Variants in SIGLEC6 observed in about 807,000 individuals in gnomAD.
The protein encoded by SIGLEC6 is sialic acid-binding Ig-like lectin 6.
SIGLEC6 carries 31 observed loss-of-function variants against 41.4 expected under a neutral mutation model. The observed-to-expected ratio is 0.75, with a 90% confidence interval of 0.56 to 1.01. SIGLEC6 has a LOEUF of 1.01. SIGLEC6 is among the 50% of genes least tolerant of loss of function. SIGLEC6 has a pLI of 0.00. For synonymous variants in SIGLEC6, 217 were observed against 231.0 expected (o/e 0.94, Z 0.55); for missense variants, 555 against 558.6 (o/e 0.99, Z 0.06).
intron 7 of SIGLEC6, among the ~76,000 whole-genome samples, chr19:51,527,070 T>C (rs2864103): frequency 0.66 from 99,666 of 152,014 alleles, 32,927 homozygotes; most frequent in South Asian, 0.75. Context: ...TACAACTCAT[T>C]GGCATCCCTG....
chr19:51,521,369 T>A (rs1044452716), intron 7 of SIGLEC6, among the ~76,000 whole-genome samples: 5 of 152,046 alleles, frequency 3.3e-5, no homozygotes, highest in African/African-American at 1.2e-4. Flanking sequence ...GGAGTGTGTG[T>A]GTGTGTATAT....
At chr19:51,520,416 G>T (rs958974394) in intron 7 of SIGLEC6, among the ~76,000 whole-genome samples, 161 bp from the exon 8 acceptor site, 1 of 151,850 alleles carries the variant, frequency 6.6e-6, no homozygotes, top group Admixed American at 6.6e-5. Context: ...TTGAGATGGG[G>T]TCTCGCTCTG....
rs1233662754 is a variant in SIGLEC6 at position 51,525,929 on chromosome 19, G to A, written c.1188+1818C>T. On this transcript the variant is annotated intron_variant, in intron 7 of 7. Transcript: ENST00000425629. Reference sequence around the variant, plus strand: ...CCTCAGGCTAGGGAAGGAACAAAGAGCCTGATTTATTTGGTGGAACCTCCA... The same window carrying A: ...CCTCAGGCTAGGGAAGGAACAAAGAACCTGATTTATTTGGTGGAACCTCCA... Among the ~76,000 whole-genome samples, 3 of 150,330 alleles carry A rather than the reference G, an allele frequency of 2.0e-5. No homozygotes were observed. In the South Asian group the frequency reaches 6.4e-4, roughly 32 times the overall value.
At position 51,531,503 on chromosome 19, in the gene SIGLEC6, C is replaced by T. The variant is rs769993943; in HGVS notation, c.84G>A (p.Glu28=). The T allele has an allele frequency of 1.9e-6, 3 of 1,613,738 alleles. No individual in the cohort carries two copies. The highest frequency in any genetic ancestry group is 3.3e-5 in the Admixed American group (2 of 59,950). The stretch of plus-strand genomic sequence containing the variant: ...CTGGCCCCTCCAGCTGGAATCTCCG[C>T]TCCTGAGCCAGGGCCCCTATGGAGA... ...PLLWAGALAQ[E]RRFQLEGPES... Residue 28 remains glutamate (E), a synonymous_variant, in exon 2 of 8, where the codon GAG becomes GAA. Coordinates refer to ENST00000425629, the MANE Select transcript of SIGLEC6 (RefSeq NM_001245.7).
Position 51,518,996 on chromosome 19 carries a change from G to C in SIGLEC6, c.*1086C>G, listed in dbSNP as rs538346455. ...AAGAAATTGCCAGCAGAAACCGTCT[G>C]TTAAAACAGCTAATCAAAGCCGGGT... On this transcript the variant is annotated 3_prime_UTR_variant, in exon 8 of 8. Transcript: ENST00000425629. 9.2e-4 allele frequency among the ~76,000 whole-genome samples: 140 copies of C among 152,258 alleles called. No individual in the cohort carries two copies. Among genetic ancestry groups the C allele is most frequent in the African/African-American group, 3.2e-3 (132 of 41,560 alleles).
Position 51,518,213 on chromosome 19 carries a change from G to C in SIGLEC6, c.*1869C>G, listed in dbSNP as rs779348728. Among the ~76,000 whole-genome samples, 1 of 152,086 alleles carries C rather than the reference G, an allele frequency of 6.6e-6. No homozygotes were observed. Among genetic ancestry groups the C allele is most frequent in the Non-Finnish European group, 1.5e-5 (1 of 68,020 alleles). ...CTTAAAATGTGTTTTCATTGAGTAG[G>C]CTTTCTAAAACAACATTTATTTCTC... On this transcript the variant is annotated 3_prime_UTR_variant, in exon 8 of 8. Transcript: ENST00000425629.
At chr19:51,531,057 A>G in intron 2 of SIGLEC6, 98 bp from the exon 3 acceptor site, 1 of 1,569,888 alleles carries the variant, frequency 6.4e-7, no homozygotes, top group Non-Finnish European at 8.6e-7. Context: ...TGAGCCCAAC[A>G]TGCTTAATTG....
chr19:51,525,363 GAGA>G (rs1410320997), intron 7 of SIGLEC6, among the ~76,000 whole-genome samples: 4 of 152,140 alleles, frequency 2.6e-5, no homozygotes, highest in Non-Finnish European at 5.9e-5. Flanking sequence ...CCCGAGGCTG[GAGA>G]AGGAGAAAAG....
At chr19:51,529,585 C>A in intron 5 of SIGLEC6, 139 bp downstream of exon 5, 1 of 1,092,554 alleles carries the variant, frequency 9.2e-7, no homozygotes, top group African/African-American at 1.6e-5. Flanking sequence ...GGACTCTAAG[C>A]CTCCCAGAGG....
Position 51,519,947 on chromosome 19 carries a change from T to C in SIGLEC6, c.*135A>G, listed in dbSNP as rs1415257501. The stretch of plus-strand genomic sequence containing the variant: ...ACACCTTGTTCTCAGACCTCTAACA[T>C]CTGAAACTATACGAAAATAAAGTTC... On this transcript the variant is annotated 3_prime_UTR_variant, in exon 8 of 8. Coordinates refer to ENST00000425629, the MANE Select transcript of SIGLEC6 (RefSeq NM_001245.7). 1 of 772,624 alleles carries C rather than the reference T, an allele frequency of 1.3e-6. No individual in the cohort carries two copies. Among genetic ancestry groups the C allele is most frequent in the Admixed American group, 3.0e-5 (1 of 33,308 alleles). The allele number at this position is 772,624 out of a possible 1,614,324, so 47.9% of individuals were successfully genotyped here.
intron 7 of SIGLEC6, 74 bp from the exon 8 acceptor site, chr19:51,520,329 G>A (rs553171106): frequency 6.6e-6 from 6 of 909,550 alleles, no homozygotes; most frequent in African/African-American, 1.7e-5. Context: ...ATCAGAAAGG[G>A]AGTAGAACTG....
chr19:51,527,681 G>A, intron 7 of SIGLEC6, 66 bp downstream of exon 7: 1 of 1,390,766 alleles, frequency 7.2e-7, no homozygotes, highest in Non-Finnish European at 1.0e-6. Flanking sequence ...ATGCCTCAGG[G>A]TCCTTACTTA....
At chr19:51,521,519 A>G (rs930989104) in intron 7 of SIGLEC6, among the ~76,000 whole-genome samples, 10 of 152,198 alleles carry the variant, frequency 6.6e-5, no homozygotes, top group Admixed American at 2.0e-4. Context: ...AATCAGTGGC[A>G]AAGTCCGAGA....
At chr19:51,527,871 C>A (rs1450392072) in intron 6 of SIGLEC6, 43 bp from the exon 7 acceptor site, 3 of 1,581,392 alleles carry the variant, frequency 1.9e-6, no homozygotes, top group African/African-American at 2.7e-5. Context: ...TTATTTGGAG[C>A]CTCTTTCCCC....
intron 6 of SIGLEC6, 47 bp from the exon 7 acceptor site, chr19:51,527,875 T>C: frequency 6.3e-7 from 1 of 1,581,668 alleles, no homozygotes; most frequent in South Asian, 1.1e-5. Context: ...TTGGAGCCTC[T>C]TTCCCCAAAA....
chr19:51,520,369 A>ATTATT (rs1167550827), intron 7 of SIGLEC6, 114 bp from the exon 8 acceptor site: 7 of 562,890 alleles, frequency 1.2e-5, no homozygotes, highest in African/African-American at 3.9e-5. Flanking sequence ...CCATTCATTT[A>ATTATT]TTATTTTATT....
Position 51,518,071 on chromosome 19 carries a change from T to G in SIGLEC6, c.*2011A>C, listed in dbSNP as rs544850483. Among the ~76,000 whole-genome samples, 46 of 152,328 alleles carry G rather than the reference T, an allele frequency of 3.0e-4. No individual in the cohort carries two copies. The highest frequency in any genetic ancestry group is 3.5e-4 in the Non-Finnish European group (24 of 68,020). On this transcript the variant is annotated 3_prime_UTR_variant, in exon 8 of 8. Transcript: ENST00000425629. ...TTTTTTGGATCTCAAAAATCTAATCTGGGATCACTTTCCTAATACCTGAAT... is the reference window on the plus strand; with the variant it reads ...TTTTTTGGATCTCAAAAATCTAATCGGGGATCACTTTCCTAATACCTGAAT...
Position 51,519,951 on chromosome 19 carries a change from A to T in SIGLEC6, c.*131T>A, listed in dbSNP as rs549948210. On this transcript the variant is annotated 3_prime_UTR_variant, in exon 8 of 8. Transcript: ENST00000425629. ...CTTGTTCTCAGACCTCTAACATCTG[A>T]AACTATACGAAAATAAAGTTCTGTG... 1.2e-6 allele frequency: 1 copy of T among 806,012 alleles called. No individual in the cohort carries two copies. Among genetic ancestry groups the T allele is most frequent in the African/African-American group, 1.7e-5 (1 of 58,504 alleles). The allele number at this position is 806,012 out of a possible 1,614,324, so 49.9% of individuals were successfully genotyped here.
At chr19:51,527,540 G>A (rs536561379) in intron 7 of SIGLEC6, among the ~76,000 whole-genome samples, 37 of 152,204 alleles carry the variant, frequency 2.4e-4, no homozygotes, top group African/African-American at 7.7e-4. Flanking sequence ...TATTTCATCA[G>A]AACTATTAGA....
Sources: gnomAD v4.1 joint callset for allele counts (sites outside exome capture counted in the v4.1 genomes callset) on GRCh38, gnomAD v4.1.1 for gene constraint, MANE v1.5 for transcripts, NCBI Gene and HGNC (gene_info 2026-07-23, HGNC 2026-07-21) for gene names.